CATIP: variants seen among roughly 807,000 people sequenced by gnomAD.
CATIP encodes ciliogenesis associated TTC17 interacting protein, also known as ciliogenesis-associated TTC17-interacting protein.
In CATIP, 40 loss-of-function variants were observed where a neutral mutation model predicts 42.5. The observed-to-expected ratio is 0.94, with a 90% CI of 0.73 to 1.22. CATIP has a LOEUF of 1.22. Ranked by LOEUF, CATIP falls within the 50% of genes most tolerant of loss-of-function variation. The pLI is 0.00. For synonymous variants in CATIP, 222 were observed against 200.2 expected (o/e 1.11, Z -0.92); for missense variants, 489 against 496.0 (o/e 0.99, Z 0.13).
At chr2:218,367,220 C>T (rs2106319900) in intron 8 of CATIP, 120 bp downstream of exon 8, 1 of 826,080 alleles carries the variant, frequency 1.2e-6, no homozygotes, top group African/African-American at 1.7e-5. Context: ...AGCCTGGAAT[C>T]AGCTGGAGAA....
rs1424676555 is a variant in CATIP at position 218,356,896 on chromosome 2, G to C, written c.12G>C (p.Lys4Asn). 6.2e-7 allele frequency: 1 copy of C among 1,614,106 alleles called. No individual in the cohort carries two copies. The highest frequency in any genetic ancestry group is 8.5e-7 in the Non-Finnish European group (1 of 1,180,012). The part of the protein sequence containing the change: MSS[K>N]VYSTGSRAKD... Reference sequence around the variant, plus strand: ...GGCAGGCCCACAGCATGTCCTCCAAGGTTTACTCCACAGGTGGGAAGAGGA... The same window carrying C: ...GGCAGGCCCACAGCATGTCCTCCAACGTTTACTCCACAGGTGGGAAGAGGA... The change falls in exon 1 of 10, where the codon AAG becomes AAC. Residue 4 changes from lysine (K) to asparagine (N), a missense_variant. Lys to Asn is a moderately conservative substitution (Grantham distance 94, BLOSUM62 0). Transcript: ENST00000289388.
intron 4 of CATIP, among the ~76,000 whole-genome samples, chr2:218,359,119 A>G (rs1695146662): frequency 6.6e-6 from 1 of 151,814 alleles, no homozygotes. Context: ...CAGGTGGATC[A>G]TGAGGTCAGG....
At chr2:218,357,457 G>A in intron 2 of CATIP, 77 bp from the exon 3 acceptor site, 1 of 1,245,842 alleles carries the variant, frequency 8.0e-7, no homozygotes, top group Non-Finnish European at 1.2e-6. Flanking sequence ...GGGGACACTG[G>A]TGGTCATGGG....
chr2:218,364,810 G>A (rs923490575), intron 7 of CATIP, 58 bp downstream of exon 7: 12 of 1,562,216 alleles, frequency 7.7e-6, no homozygotes, highest in Admixed American at 5.5e-5. Context: ...TGCTCAAGGA[G>A]ACCGGCTGCT....
chr2:218,364,750 T>C lies in CATIP; in HGVS notation c.753T>C (p.Asp251=), dbSNP rs778062394. The C allele has an allele frequency of 6.8e-6, 11 of 1,612,330 alleles. No individual in the cohort carries two copies. Among genetic ancestry groups the C allele is most frequent in the Non-Finnish European group, 2.5e-6 (3 of 1,179,206 alleles). Reference sequence around the variant, plus strand: ...CCTGCCAGTACTACCTGCTCTCCGATGGGTGAGCTGCTGATGGTGGGCCCA... The same window carrying C: ...CCTGCCAGTACTACCTGCTCTCCGACGGGTGAGCTGCTGATGGTGGGCCCA... ...PMSCQYYLLS[D]GHLAKRIQVG... is the part of the protein sequence containing the mutation. Residue 251 remains aspartate (D), a splice_region_variant and synonymous_variant, in exon 7 of 10, where the codon GAT becomes GAC. Transcript: ENST00000289388.
At chr2:218,360,834 T>C (rs1181488163) in intron 5 of CATIP, among the ~76,000 whole-genome samples, 175 bp downstream of exon 5, 2 of 151,210 alleles carry the variant, frequency 1.3e-5, no homozygotes, top group Non-Finnish European at 3.0e-5. Flanking sequence ...AGCTTGTTTT[T>C]TTTTTTTTTT....
intron 6 of CATIP, among the ~76,000 whole-genome samples, chr2:218,363,257 G>A (rs1006349219): frequency 2.8e-4 from 42 of 151,674 alleles, no homozygotes; most frequent in Admixed American, 2.3e-3. Context: ...AAGGCGGGCC[G>A]ATCACAAGGT....
Position 218,358,046 on chromosome 2 carries a change from C to G in CATIP, c.329C>G (p.Ser110Ter). The change falls in exon 4 of 10, where the codon TCA (serine) becomes TGA (stop). Residue 110 changes from serine (S) to a stop codon, truncating the protein, a stop_gained. Transcript: ENST00000289388. LOFTEE classifies it high-confidence loss of function. Reference sequence around the variant, plus strand: ...TGTCCCTGCACCCCAGGCTATCTCTCAGAGAAGCTGGAGCTCATGGAACAG... The same window carrying G: ...TGTCCCTGCACCCCAGGCTATCTCTGAGAGAAGCTGGAGCTCATGGAACAG... Reference protein sequence around the residue: ...LCGNSLLGYLSEKLELMEQHS... With the variant: ...LCGNSLLGYL 6.2e-7 allele frequency: 1 copy of G among 1,614,116 alleles called. No individual in the cohort carries two copies.
Position 218,367,562 on chromosome 2 carries a change from G to A in CATIP, c.921+44G>A, listed in dbSNP as rs948493442. Reference sequence around the variant, plus strand: ...AGCCTGGGGTTCCCATTCCCCCATGGGCCTTAAATTCATTACTGATCTCTG... The same window carrying A: ...AGCCTGGGGTTCCCATTCCCCCATGAGCCTTAAATTCATTACTGATCTCTG... On this transcript the variant is annotated intron_variant, in intron 9 of 9. Transcript: ENST00000289388. The A allele has an allele frequency of 3.1e-6, 5 of 1,607,722 alleles. No homozygotes were observed. The African/African-American group carries it at 6.7e-5, about 21-fold the overall frequency.
rs1363163596 is a variant in CATIP at position 218,363,498 on chromosome 2, CA to C, written c.630+609del. On this transcript the variant is annotated intron_variant, in intron 6 of 9. Transcript: ENST00000289388. ...GAGACTCTGTCTCAAAAAAAAAAAA[CA>C]AAAAAAAAAAAACGTCATTTTGGCC... Among the ~76,000 whole-genome samples, 241 of 108,318 alleles carry C rather than the reference CA, an allele frequency of 2.2e-3. No homozygotes were observed. The Middle Eastern group carries it at 0.028, about 12-fold the overall frequency. The allele number at this position is 108,318 out of a possible 152,430, so 71.1% of individuals were successfully genotyped here.
Position 218,367,844 on chromosome 2 carries a change from C to A in CATIP, c.1044C>A (p.Ala348=), listed in dbSNP as rs148283722. The A allele has an allele frequency of 9.3e-6, 15 of 1,613,172 alleles. No individual in the cohort carries two copies. Among genetic ancestry groups the A allele is most frequent in the Non-Finnish European group, 1.0e-5 (12 of 1,179,892 alleles). ...CGGAGGACGTGGTCACCTTCGCCGCCGAGTTCTTCGGCCCCTTCGACCCGT... is the reference window on the plus strand; with the variant it reads ...CGGAGGACGTGGTCACCTTCGCCGCAGAGTTCTTCGGCCCCTTCGACCCGT... ...RQPEDVVTFA[A]EFFGPFDPWR... The change falls in exon 10 of 10, where the codon GCC becomes GCA. Residue 348 remains alanine (A), a synonymous_variant. Coordinates refer to ENST00000289388, the MANE Select transcript of CATIP (RefSeq NM_198559.2).
intron 5 of CATIP, 65 bp downstream of exon 5, chr2:218,360,724 C>A (rs1020561874): frequency 8.1e-7 from 1 of 1,241,298 alleles, no homozygotes; most frequent in Non-Finnish European, 1.2e-6. Flanking sequence ...TGAGACAGGT[C>A]CAGATCAATT....
intron 5 of CATIP, among the ~76,000 whole-genome samples, chr2:218,362,127 G>C (rs1200222649): frequency 3.3e-5 from 5 of 152,276 alleles, no homozygotes; most frequent in Non-Finnish European, 7.4e-5. Context: ...AGGCCAAGGC[G>C]GGCGGATCAC....
chr2:218,357,468 G>A, intron 2 of CATIP, 66 bp from the exon 3 acceptor site: 1 of 1,373,714 alleles, frequency 7.3e-7, no homozygotes, highest in Non-Finnish European at 1.0e-6. Flanking sequence ...TGGTCATGGG[G>A]TCAGAGGATT....
chr2:218,362,819 G>T lies in CATIP; in HGVS notation c.547G>T (p.Val183Leu), dbSNP rs1695281251. The change falls in exon 6 of 10, where the codon GTG (valine) becomes TTG (leucine). Residue 183 changes from valine (V) to leucine (L), a missense_variant. By Grantham distance (32) the Val-to-Leu change is conservative. Transcript: ENST00000289388. The stretch of plus-strand genomic sequence containing the variant: ...GGCTGCCAACCTGGTGCTGCTCAGG[G>T]TGATGGCCTGGCGGCGGATGGTGCC... The part of the protein sequence containing the change: ...SEAANLVLLR[V>L]MAWRRMVPSN... 2 of 1,614,124 alleles carry T rather than the reference G, an allele frequency of 1.2e-6. No homozygotes were observed. Among genetic ancestry groups the T allele is most frequent in the Non-Finnish European group, 8.5e-7 (1 of 1,180,012 alleles).
intron 3 of CATIP, 144 bp downstream of exon 3, chr2:218,357,878 A>G: frequency 9.3e-7 from 1 of 1,078,720 alleles, no homozygotes; most frequent in Non-Finnish European, 1.4e-6. Flanking sequence ...GGGATGAGCG[A>G]GTTCCTCATG....
intron 4 of CATIP, among the ~76,000 whole-genome samples, chr2:218,359,471 G>T (rs1257947655): frequency 1.3e-5 from 2 of 152,132 alleles, no homozygotes; most frequent in African/African-American, 2.4e-5. Flanking sequence ...AGTGGCTGGG[G>T]CTGGGTGTGA....
intron 6 of CATIP, 109 bp from the exon 7 acceptor site, chr2:218,364,519 A>T: frequency 6.9e-7 from 1 of 1,450,238 alleles, no homozygotes; most frequent in Non-Finnish European, 9.4e-7. Context: ...ATGCAATATT[A>T]AATGTCTTGA....
At position 218,367,841 on chromosome 2, in the gene CATIP, C is replaced by A; in HGVS notation, c.1041C>A (p.Ala347=). The A allele has an allele frequency of 6.2e-7, 1 of 1,613,176 alleles. No homozygotes were observed. Among genetic ancestry groups the A allele is most frequent in the Non-Finnish European group, 8.5e-7 (1 of 1,179,886 alleles). The stretch of plus-strand genomic sequence containing the variant: ...AGCCGGAGGACGTGGTCACCTTCGC[C>A]GCCGAGTTCTTCGGCCCCTTCGACC... The part of the protein sequence containing the change: ...LRQPEDVVTF[A]AEFFGPFDPW... The change falls in exon 10 of 10, where the codon GCC becomes GCA. Residue 347 remains alanine (A), a synonymous_variant. Transcript: ENST00000289388.
Sources: allele counts gnomAD v4.1 joint callset (sites outside exome capture counted in the v4.1 genomes callset), GRCh38; gene constraint gnomAD v4.1.1; transcripts MANE v1.5; gene names NCBI Gene and HGNC (gene_info 2026-07-23, HGNC 2026-07-21).